The following ARHGAP29 variants were observed in gnomAD, a reference collection of about 807,000 sequenced individuals.
ARHGAP29 encodes the protein rho GTPase-activating protein 29.
Under a neutral mutation model 122.6 loss-of-function variants are expected in ARHGAP29, and 43 were observed. That is an observed-to-expected ratio of 0.35 (90% CI 0.27 to 0.45). ARHGAP29 has a LOEUF of 0.45. ARHGAP29 is among the 20% of genes least tolerant of loss of function. The pLI is 1.00. For synonymous variants in ARHGAP29, 506 were observed against 497.1 expected (o/e 1.02, Z -0.24); for missense variants, 1,303 against 1,477.2 (o/e 0.88, Z 1.93).
chr1:94,181,056 C>A (rs1649422492), intron 19 of ARHGAP29, among the ~76,000 whole-genome samples: 1 of 152,188 alleles, frequency 6.6e-6, no homozygotes, highest in Non-Finnish European at 1.5e-5. Flanking sequence ...TGCAATCCCA[C>A]TAAAATACAG....
the ARHGAP29 span, among the ~76,000 whole-genome samples, chr1:94,309,216 T>G: frequency 6.6e-6 from 1 of 152,220 alleles, no homozygotes; most frequent in African/African-American, 2.4e-5. Context: ...AACAAACTTA[T>G]GAGAGAGCCA....
At chr1:94,186,880 G>A (rs1388621593) in intron 15 of ARHGAP29, among the ~76,000 whole-genome samples, 5 of 152,088 alleles carry the variant, frequency 3.3e-5, no homozygotes, top group African/African-American at 4.8e-5. Flanking sequence ...ATTAGAGATT[G>A]TAAACTCCAC....
At chr1:94,196,580 T>G (rs959278903) in intron 12 of ARHGAP29, among the ~76,000 whole-genome samples, 11 of 152,128 alleles carry the variant, frequency 7.2e-5, no homozygotes, top group Admixed American at 2.0e-4. Context: ...CTTTTTAAAT[T>G]TTATTGATTT....
At chr1:94,295,087 A>G in the ARHGAP29 span, among the ~76,000 whole-genome samples, 4 of 152,306 alleles carry the variant, frequency 2.6e-5, no homozygotes, top group African/African-American at 9.6e-5. Context: ...TTGAAATTGT[A>G]TTACTAGGGG....
At chr1:94,310,664 T>C in the ARHGAP29 span, among the ~76,000 whole-genome samples, 1 of 152,204 alleles carries the variant, frequency 6.6e-6, no homozygotes. Flanking sequence ...TCCTTTTTGC[T>C]ATCTCACTTT....
At chr1:94,175,338 T>G (rs1469622626) in intron 22 of ARHGAP29, among the ~76,000 whole-genome samples, 1 of 152,240 alleles carries the variant, frequency 6.6e-6, no homozygotes, top group African/African-American at 2.4e-5. Context: ...TCCCGGATTT[T>G]CTTTCTATAG....
intron 1 of ARHGAP29, among the ~76,000 whole-genome samples, chr1:94,263,224 C>T (rs1026646262): frequency 6.6e-6 from 1 of 151,996 alleles, no homozygotes; most frequent in Non-Finnish European, 1.5e-5. Context: ...AGGAAAACAA[C>T]AGACACAGGA....
intron 2 of ARHGAP29, among the ~76,000 whole-genome samples, chr1:94,222,222 TA>T (rs1184456297): frequency 2.0e-5 from 3 of 152,080 alleles, no homozygotes; most frequent in Non-Finnish European, 2.9e-5. Flanking sequence ...AAAAGAACTG[TA>T]AAAAATGTGT....
At chr1:94,248,863 CAGCT>C (rs144929248) in intron 1 of ARHGAP29, among the ~76,000 whole-genome samples, 5,353 of 152,184 alleles carry the variant, frequency 0.035, 335 homozygotes, top group African/African-American at 0.12. Flanking sequence ...TCACCACACC[CAGCT>C]AGCTCTGTTG....
Position 94,186,407 on chromosome 1 carries a change from T to G in ARHGAP29, c.1780+92A>C, listed in dbSNP as rs545898821. The G allele has an allele frequency of 3.6e-5, 32 of 899,766 alleles. 1 individual carries two copies. In the South Asian group the frequency reaches 5.9e-4, roughly 17 times the overall value. 55.7% of individuals were successfully genotyped at this position (899,766 alleles called of 1,614,324 possible). A position where few individuals can be genotyped will look rare whatever the true frequency, so the allele number is the denominator to read the frequency against. On this transcript the variant is annotated intron_variant, in intron 16 of 22. Transcript: ENST00000260526. ...TTTTTGTTTAATACACAAAAAAGTA[T>G]TGATTCTTTAAAATTATACTATTTA...
At position 94,231,556 on chromosome 1, in the gene ARHGAP29, T is replaced by C. The variant is rs1448143654; in HGVS notation, c.56A>G (p.Gln19Arg). The change falls in exon 2 of 23, where the codon CAA becomes CGA. Residue 19 changes from glutamine to arginine, a missense_variant. Gln to Arg is a conservative substitution (Grantham distance 43). This residue lies in a region of ARHGAP29 where 592 missense variants were observed against 648.2 expected (regional missense o/e 0.91). Transcript: ENST00000260526. ...TKKKRAWASG[Q>R]LSTDITTSEM... ...AGAAGTTGTAATATCAGTAGAGAGT[T>C]GACCTGATGCCCAAGCACGTTTTTT... The C allele has an allele frequency of 6.2e-7, 1 of 1,613,810 alleles. No homozygotes were observed. Among genetic ancestry groups the C allele is most frequent in the Non-Finnish European group, 8.5e-7 (1 of 1,179,754 alleles).
At chr1:94,259,993 C>T (rs139661549) in intron 1 of ARHGAP29, among the ~76,000 whole-genome samples, 291 of 152,270 alleles carry the variant, frequency 1.9e-3, no homozygotes, top group African/African-American at 6.4e-3. Context: ...AAAGTCTCTA[C>T]GGAGTTTCTG....
chr1:94,240,513 C>T (rs928145576), upstream of ARHGAP29, among the ~76,000 whole-genome samples: 3 of 152,000 alleles, frequency 2.0e-5, no homozygotes, highest in Non-Finnish European at 2.9e-5. Flanking sequence ...TCTGCAAGTC[C>T]GAAATTCTTG....
chr1:94,187,583 C>T (rs963999756), intron 15 of ARHGAP29, among the ~76,000 whole-genome samples: 1 of 152,200 alleles, frequency 6.6e-6, no homozygotes, highest in Non-Finnish European at 1.5e-5. Context: ...TCCCTTGTCA[C>T]TTCCAGTATT....
At chr1:94,243,956 C>T (rs1367916354) in intron 1 of ARHGAP29, among the ~76,000 whole-genome samples, 1 of 151,908 alleles carries the variant, frequency 6.6e-6, no homozygotes, top group East Asian at 1.9e-4. Flanking sequence ...TTGAAAGACA[C>T]AGATTACTAA....
At chr1:94,311,317 A>G in the ARHGAP29 span, among the ~76,000 whole-genome samples, 10 of 152,174 alleles carry the variant, frequency 6.6e-5, no homozygotes, top group East Asian at 1.9e-3. Context: ...CCCTCTGTTC[A>G]TGGAGGATGA....
upstream of ARHGAP29, among the ~76,000 whole-genome samples, chr1:94,276,438 A>ATT (rs71094288): frequency 4.1e-5 from 6 of 146,956 alleles, no homozygotes; most frequent in Middle Eastern, 3.5e-3. Context: ...TGGTTTTTAG[A>ATT]TTTTTTTTTT....
chr1:94,305,866 C>G, the ARHGAP29 span, among the ~76,000 whole-genome samples: 1 of 152,174 alleles, frequency 6.6e-6, no homozygotes, highest in Non-Finnish European at 1.5e-5. Context: ...TGTGGTTAAT[C>G]ATACATATGA....
In ARHGAP29 at chr1:94,232,932, G is replaced by GT. The variant is rs79225178; in HGVS notation, c.-32-1290dup. On this transcript the variant is annotated intron_variant, in intron 1 of 22. Transcript: ENST00000260526. ...AAAATTTACAGTAGAAAGTTTTTTG[G>GT]TTTTTTTTTTTTTTGGAGGGGGGAA... 5.9e-3 allele frequency among the ~76,000 whole-genome samples: 804 copies of GT among 136,896 alleles called. 5 individuals are homozygous for GT. Among genetic ancestry groups the GT allele is most frequent in the African/African-American group, 0.012 (470 of 37,662 alleles). 89.8% of individuals were successfully genotyped at this position (136,896 alleles called of 152,430 possible).
Sources: allele counts gnomAD v4.1 joint callset (sites outside exome capture counted in the v4.1 genomes callset), GRCh38; gene constraint gnomAD v4.1.1; regional missense constraint gnomAD v4.1.1; transcripts MANE v1.5; gene names NCBI Gene and HGNC (gene_info 2026-07-23, HGNC 2026-07-21).